GIMAP8: variants seen among roughly 807,000 people sequenced by gnomAD.
GIMAP8 encodes the protein GTPase, IMAP family member 8.
In GIMAP8, 29 loss-of-function variants were observed where a neutral mutation model predicts 35.6. The ratio of observed to expected loss-of-function variants is 0.81; its 90% CI spans 0.61 to 1.11. GIMAP8 has a LOEUF of 1.11. GIMAP8 is among the 50% of genes most tolerant of loss of function. GIMAP8 has a pLI of 0.00. For missense variants in GIMAP8, 811 were observed against 805.0 expected (o/e 1.01, Z -0.09); for synonymous variants, 335 against 308.7 (o/e 1.09, Z -0.89).
At chr7:150,455,795 T>C (rs954963146) in intron 1 of GIMAP8, among the ~76,000 whole-genome samples, 1 of 152,232 alleles carries the variant, frequency 6.6e-6, no homozygotes, top group Admixed American at 6.5e-5. Context: ...ACTCTGTGAA[T>C]TGCACTTTGA....
chr7:150,466,435 T>TA (rs3034358), intron 1 of GIMAP8, among the ~76,000 whole-genome samples: 101 of 146,966 alleles, frequency 6.9e-4, no homozygotes, highest in South Asian at 1.7e-3. Flanking sequence ...TTCCTAATGG[T>TA]AAAAAAAAAA....
chr7:150,467,337 A>G lies in GIMAP8; in HGVS notation c.636+3A>G. 6.2e-7 allele frequency: 1 copy of G among 1,605,796 alleles called. No individual in the cohort carries two copies. The highest frequency in any genetic ancestry group is 8.5e-7 in the Non-Finnish European group (1 of 1,174,602). ...AAACTGAAGGCAGCAGGTTTCAAGTAAGAATTTTGTTAATATCTTGAAAGA... is the reference window on the plus strand; with the variant it reads ...AAACTGAAGGCAGCAGGTTTCAAGTGAGAATTTTGTTAATATCTTGAAAGA... On this transcript the variant is annotated splice_donor_region_variant and intron_variant, in intron 2 of 4. Coordinates refer to ENST00000307271, the MANE Select transcript of GIMAP8 (RefSeq NM_175571.4).
At chr7:150,476,533 T>C (rs1458175020) in intron 4 of GIMAP8, among the ~76,000 whole-genome samples, 1 of 152,232 alleles carries the variant, frequency 6.6e-6, no homozygotes, top group Non-Finnish European at 1.5e-5. Context: ...GAGAAATGAA[T>C]TTTTACATGT....
intron 1 of GIMAP8, among the ~76,000 whole-genome samples, chr7:150,465,599 C>A (rs1253572840): frequency 1.3e-5 from 2 of 152,088 alleles, no homozygotes; most frequent in African/African-American, 4.8e-5. Flanking sequence ...CAAGGTGGGG[C>A]CTGAATAAAT....
In GIMAP8 at chr7:150,472,655, T is replaced by C. The variant is rs1239313139; in HGVS notation, c.683-1357T>C. 6.6e-6 allele frequency among the ~76,000 whole-genome samples: 1 copy of C among 152,232 alleles called. No homozygotes were observed. The highest frequency in any genetic ancestry group is 1.5e-5 in the Non-Finnish European group (1 of 68,042). ...CATATTCGAAATAAATATAAAATTA[T>C]TATTTTGGTAAGAATAGAGGAAATA... On this transcript the variant is annotated intron_variant, in intron 3 of 4. Coordinates refer to ENST00000307271, the MANE Select transcript of GIMAP8 (RefSeq NM_175571.4). This position sits in a 1 kb window ranked among gnomAD's most constrained non-coding sequence, Gnocchi z 4.1.
At chr7:150,454,838 A>C (rs1050839634) in intron 1 of GIMAP8, among the ~76,000 whole-genome samples, 4 of 152,182 alleles carry the variant, frequency 2.6e-5, no homozygotes, top group African/African-American at 9.6e-5. Flanking sequence ...AAATTAGAAC[A>C]TATTTAAAAC....
chr7:150,472,447 T>C lies in GIMAP8; in HGVS notation c.683-1565T>C, dbSNP rs1409470922. ...TGTGTGCTCAGATACGATTGCAGAG[T>C]GGTTGTGGTTGTGGAAGACTCGTGT... On this transcript the variant is annotated intron_variant, in intron 3 of 4. Transcript: ENST00000307271. This position sits in a 1 kb window ranked among gnomAD's most constrained non-coding sequence, Gnocchi z 4.1. 6.6e-6 allele frequency among the ~76,000 whole-genome samples: 1 copy of C among 151,816 alleles called. No individual in the cohort carries two copies. The highest frequency in any genetic ancestry group is 6.6e-5 in the Admixed American group (1 of 15,250).
At chr7:150,470,770 A>ATTTTTTTTTTTTTTTTTT (rs1357852628) in intron 2 of GIMAP8, 59 bp from the exon 3 acceptor site, 1 of 224,044 alleles carries the variant, frequency 4.5e-6, no homozygotes, top group Non-Finnish European at 7.8e-6. Context: ...TTTTTTTTTC[A>ATTTTTTTTTTTTTTTTTT]GTTTGTGGAA....
intron 2 of GIMAP8, 64 bp from the exon 3 acceptor site, chr7:150,470,765 T>TTG: frequency 4.1e-6 from 3 of 736,988 alleles, no homozygotes; most frequent in East Asian, 3.1e-5. Context: ...TTTTTTTTTT[T>TTG]TTTCAGTTTG....
rs773869620 is a variant in GIMAP8, at chr7:150,467,293, C to G, written c.595C>G (p.Pro199Ala). ...VESLVNTNGG[P>A]YHVNFKTEGS... ...GTCTTTGGTGAATACGAACGGAGGA[C>G]CCTATCATGTGAACTTCAAAACTGA... The change falls in exon 2 of 5, where the codon CCC (proline) becomes GCC (alanine). Residue 199 changes from proline to alanine, a missense_variant. Pro to Ala is a conservative substitution (Grantham distance 27). Coordinates refer to ENST00000307271, the MANE Select transcript of GIMAP8 (RefSeq NM_175571.4). The G allele has an allele frequency of 6.2e-7, 1 of 1,613,824 alleles. No homozygotes were observed.
chr7:150,471,898 T>C (rs1802101115), intron 3 of GIMAP8, among the ~76,000 whole-genome samples: 1 of 152,116 alleles, frequency 6.6e-6, no homozygotes, highest in African/African-American at 2.4e-5. Context: ...AAATATGTAA[T>C]TCAATCTTCA....
intron 1 of GIMAP8, among the ~76,000 whole-genome samples, chr7:150,461,586 A>C (rs1801846198): frequency 6.7e-6 from 1 of 149,790 alleles, no homozygotes; most frequent in African/African-American, 2.5e-5. Context: ...TAATCCCTTC[A>C]CTCTCATTCT....
Position 150,472,414 on chromosome 7 carries a change from G to A in GIMAP8, c.682+1540G>A, listed in dbSNP as rs1424529991. On this transcript the variant is annotated intron_variant, in intron 3 of 4. Transcript: ENST00000307271. The surrounding 1 kb of genome is among the most constrained non-coding windows in gnomAD (Gnocchi z 4.1). ...GTGCAGGGGATGTTCGGGCAATGCT[G>A]TTGTTTTTGTGTGCTCAGATACGAT... Among the ~76,000 whole-genome samples the A allele has an allele frequency of 6.6e-6, 1 of 152,192 alleles. No individual in the cohort carries two copies. The highest frequency in any genetic ancestry group is 1.5e-5 in the Non-Finnish European group (1 of 68,028).
In GIMAP8 at chr7:150,478,942, A is replaced by C. The variant is rs1802306297; in HGVS notation, c.*1162A>C. ...ACAGGATAAGATAGATACAGGGTAA[A>C]ATGTTGAGCACTTTGTACATGCTTT... On this transcript the variant is annotated 3_prime_UTR_variant, in exon 5 of 5. Transcript: ENST00000307271. The C allele has an allele frequency of 6.6e-6, 1 of 152,216 alleles. No homozygotes were observed. Among genetic ancestry groups the C allele is most frequent in the Non-Finnish European group, 1.5e-5 (1 of 68,042 alleles). 9.4% of individuals were successfully genotyped at this position (152,216 alleles called of 1,614,324 possible). A position where few individuals can be genotyped will look rare whatever the true frequency, so the allele number is the denominator to read the frequency against.
rs184427614 is a variant in GIMAP8, at chr7:150,453,307, G to A, written c.-29+2132G>A. 1.0e-3 allele frequency among the ~76,000 whole-genome samples: 153 copies of A among 152,298 alleles called. 3 individuals carry two copies. The South Asian group carries it at 0.031, about 31-fold the overall frequency. Reference sequence around the variant, plus strand: ...CACCGGAAATATTTTTCCCCTGGTGGACCGGTTCTGAGGTTCTGAGGTGTC... The same window carrying A: ...CACCGGAAATATTTTTCCCCTGGTGAACCGGTTCTGAGGTTCTGAGGTGTC... On this transcript the variant is annotated intron_variant, in intron 1 of 4. Transcript: ENST00000307271.
In GIMAP8 at chr7:150,467,124, C is replaced by T. The variant is rs765719798; in HGVS notation, c.426C>T (p.Asp142=). 5 of 1,614,144 alleles carry T rather than the reference C, an allele frequency of 3.1e-6. No individual in the cohort carries two copies. Among genetic ancestry groups the T allele is most frequent in the Non-Finnish European group, 4.2e-6 (5 of 1,180,024 alleles). The change falls in exon 2 of 5, where the codon GAC becomes GAT. Residue 142 remains aspartate, a synonymous_variant. Coordinates refer to ENST00000307271, the MANE Select transcript of GIMAP8 (RefSeq NM_175571.4). ...CTCGGAAGGATGATTTGGGGGATGA[C>T]TTGCTGCAAGATTTCATTGAAAAAA... The part of the protein sequence containing the change: ...VFTRKDDLGD[D]LLQDFIEKNK...
chr7:150,457,458 G>T (rs1801753729), intron 1 of GIMAP8, among the ~76,000 whole-genome samples: 1 of 152,208 alleles, frequency 6.6e-6, no homozygotes, highest in Non-Finnish European at 1.5e-5. Context: ...AATTATGAAA[G>T]AAAGGGTTGA....
chr7:150,466,578 AT>A (rs2116603151), intron 1 of GIMAP8, 92 bp from the exon 2 acceptor site: 1 of 1,133,756 alleles, frequency 8.8e-7, no homozygotes, highest in African/African-American at 1.5e-5. Context: ...ATTGGCGGCA[AT>A]TTGAGTCAAA....
rs964326185 is a variant in GIMAP8 at position 150,474,184 on chromosome 7, C to A, written c.855C>A (p.Ser285Arg). ...TTAGTGAGCAGTCAGTAACCCAGAG[C>A]TTCTTGTCTGAGAGCAGAAGCTGGA... ...TGFSEQSVTQ[S>R]FLSESRSWRK... The change falls in exon 4 of 5, where the codon AGC becomes AGA. Residue 285 changes from serine (S) to arginine (R), a missense_variant. Ser to Arg is a moderately radical substitution (Grantham distance 110, BLOSUM62 -1). Transcript: ENST00000307271. The A allele has an allele frequency of 1.9e-6, 3 of 1,614,178 alleles. No individual in the cohort carries two copies. The highest frequency in any genetic ancestry group is 1.7e-5 in the Admixed American group (1 of 60,016).
Sources: allele counts gnomAD v4.1 joint callset (sites outside exome capture counted in the v4.1 genomes callset), GRCh38; gene constraint gnomAD v4.1.1; non-coding constraint Gnocchi (gnomAD v3.1); transcripts MANE v1.5; gene names NCBI Gene and HGNC (gene_info 2026-07-23, HGNC 2026-07-21).